Variants in COMMD10 observed in about 807,000 individuals in gnomAD.
COMMD10 encodes the protein COMM domain containing 10.
In COMMD10, 33 loss-of-function variants were observed where a neutral mutation model predicts 28.9. The observed-to-expected ratio is 1.14, with a 90% CI of 0.87 to 1.53. The LOEUF is 1.53. Ranked by LOEUF, COMMD10 falls within the 40% of genes most tolerant of loss-of-function variation. The pLI is 0.00. For synonymous variants in COMMD10, 110 were observed against 81.7 expected (o/e 1.35, Z -1.87); for missense variants, 310 against 233.4 (o/e 1.33, Z -2.14).
intron 5 of COMMD10, among the ~76,000 whole-genome samples, chr5:116,145,743 A>T (rs1178680615): frequency 6.6e-6 from 1 of 151,826 alleles, no homozygotes; most frequent in Non-Finnish European, 1.5e-5. Context: ...TGTTCTCCTG[A>T]TAGTGAGTGA....
intron 4 of COMMD10, among the ~76,000 whole-genome samples, chr5:116,108,152 A>G (rs546224060): frequency 6.6e-6 from 1 of 152,314 alleles, no homozygotes; most frequent in South Asian, 2.1e-4. Context: ...CACAGGGGTC[A>G]GGGACCCACT....
At chr5:116,148,995 TC>T (rs1252616216) in intron 5 of COMMD10, among the ~76,000 whole-genome samples, 2 of 85,664 alleles carry the variant, frequency 2.3e-5, no homozygotes, top group Non-Finnish European at 4.4e-5. Context: ...AAGCTATCCC[TC>T]CCCCCTCCCC....
chr5:116,286,375 C>G (rs747039919), intron 5 of COMMD10, among the ~76,000 whole-genome samples: 5 of 144,614 alleles, frequency 3.5e-5, no homozygotes, highest in Non-Finnish European at 6.0e-5. Context: ...CTGTTGTAAT[C>G]TATATTATTT....
chr5:116,092,969 T>A (rs981332073), intron 4 of COMMD10, among the ~76,000 whole-genome samples: 1 of 152,180 alleles, frequency 6.6e-6, no homozygotes, highest in African/African-American at 2.4e-5. Context: ...CTCGCTGCCA[T>A]TGCCCAGCAT....
intron 4 of COMMD10, among the ~76,000 whole-genome samples, chr5:116,129,906 A>G (rs1426738101): frequency 1.3e-5 from 2 of 149,504 alleles, no homozygotes; most frequent in East Asian, 3.9e-4. Context: ...TCCTTTCTAT[A>G]TTTTCTATTC....
chr5:116,279,456 A>T (rs1031423723), intron 5 of COMMD10, among the ~76,000 whole-genome samples: 1 of 151,782 alleles, frequency 6.6e-6, no homozygotes, highest in African/African-American at 2.4e-5. Flanking sequence ...TAAGCTCAGG[A>T]GTTTCCGTTT....
intron 5 of COMMD10, among the ~76,000 whole-genome samples, chr5:116,200,426 T>G (rs569891847): frequency 1.3e-5 from 2 of 152,212 alleles, no homozygotes; most frequent in Non-Finnish European, 2.9e-5. Flanking sequence ...TTTATCTCTT[T>G]TGGTGCTCTG....
chr5:116,131,367 G>A (rs1751854594), intron 4 of COMMD10, among the ~76,000 whole-genome samples: 1 of 151,664 alleles, frequency 6.6e-6, no homozygotes, highest in African/African-American at 2.4e-5. Context: ...TATTGTATGT[G>A]TGACAGGTGG....
chr5:116,135,839 G>GGGAC (rs1177997281), intron 5 of COMMD10, among the ~76,000 whole-genome samples: 2 of 152,144 alleles, frequency 1.3e-5, no homozygotes, highest in Non-Finnish European at 2.9e-5. Context: ...AGTGGGCAGG[G>GGGAC]GGACTACTGT....
At chr5:116,091,883 A>G (rs1750308762) in intron 3 of COMMD10, among the ~76,000 whole-genome samples, 1 of 152,218 alleles carries the variant, frequency 6.6e-6, no homozygotes, top group Non-Finnish European at 1.5e-5. Flanking sequence ...ATAGTTTTGT[A>G]ACTTCATGAG....
intron 5 of COMMD10, among the ~76,000 whole-genome samples, chr5:116,264,992 A>C (rs1325139681): frequency 2.0e-5 from 3 of 151,748 alleles, no homozygotes; most frequent in African/African-American, 7.3e-5. Flanking sequence ...GAGTAGGGAA[A>C]ATGTTTTTTA....
At chr5:116,085,343 G>C in intron 1 of COMMD10, 1 of 499,606 alleles carries the variant, frequency 2.0e-6, no homozygotes, top group South Asian at 2.8e-5. Flanking sequence ...CTGTACGGAA[G>C]CGTGTGGTCT....
At chr5:116,217,905 A>G (rs1361710553) in intron 5 of COMMD10, 1 of 639,922 alleles carries the variant, frequency 1.6e-6, no homozygotes, top group Non-Finnish European at 2.8e-6. Flanking sequence ...GTGTGCTAAC[A>G]GCATAGCTCA....
At chr5:116,278,968 T>A (rs1398043624) in intron 5 of COMMD10, among the ~76,000 whole-genome samples, 1 of 151,882 alleles carries the variant, frequency 6.6e-6, no homozygotes, top group Non-Finnish European at 1.5e-5. Context: ...ATTCTGATAT[T>A]TTCCATATCC....
intron 5 of COMMD10, among the ~76,000 whole-genome samples, chr5:116,210,752 T>C (rs902040353): frequency 6.6e-6 from 1 of 152,164 alleles, no homozygotes; most frequent in African/African-American, 2.4e-5. Flanking sequence ...GTTTTACTTA[T>C]TTACTATACG....
At chr5:116,092,417 T>G (rs1750327778) in intron 3 of COMMD10, 128 bp from the exon 4 acceptor site, 6 of 529,754 alleles carry the variant, frequency 1.1e-5, no homozygotes, top group Admixed American at 4.1e-5. Flanking sequence ...TAACCAAAAA[T>G]GTTGGTAATA....
chr5:116,262,075 C>G (rs1750462831), intron 5 of COMMD10, among the ~76,000 whole-genome samples: 2 of 151,536 alleles, frequency 1.3e-5, no homozygotes, highest in South Asian at 4.1e-4. Flanking sequence ...TTGTTTGAGG[C>G]CACACTAATA....
chr5:116,263,811 T>C (rs1409737565), intron 5 of COMMD10, among the ~76,000 whole-genome samples: 1 of 151,730 alleles, frequency 6.6e-6, no homozygotes, highest in Non-Finnish European at 1.5e-5. Context: ...ATTTCTTAAA[T>C]CTATTTGATT....
chr5:116,170,627 C>T (rs1483192195), intron 5 of COMMD10, among the ~76,000 whole-genome samples: 1 of 151,998 alleles, frequency 6.6e-6, no homozygotes, highest in Non-Finnish European at 1.5e-5. Context: ...GGTACTGGTA[C>T]CAAAACAGAT....
Sources: gnomAD v4.1 joint callset for allele counts (sites outside exome capture counted in the v4.1 genomes callset) on GRCh38, gnomAD v4.1.1 for gene constraint, MANE v1.5 for transcripts, NCBI Gene and HGNC (gene_info 2026-07-23, HGNC 2026-07-21) for gene names.